Variants in RAB3D observed in about 807,000 individuals in gnomAD.
The protein encoded by RAB3D is ras-related protein Rab-3D.
A neutral mutation model predicts 19.3 loss-of-function variants in RAB3D; 17 were observed. That is an observed-to-expected ratio of 0.88 (90% CI 0.60 to 1.32). The LOEUF (loss-of-function observed/expected upper bound fraction) is 1.32. RAB3D is among the 40% of genes most tolerant of loss of function. The pLI, the probability that RAB3D is intolerant of heterozygous loss-of-function variation, is 0.00. For missense variants in RAB3D, 223 were observed against 299.1 expected (o/e 0.75, Z 1.88); for synonymous variants, 103 against 119.9 (o/e 0.86, Z 0.92).
chr19:11,337,355 T>A lies in RAB3D; in HGVS notation c.45A>T (p.Ala15=), dbSNP rs781305918. 5.6e-6 allele frequency: 9 copies of A among 1,614,172 alleles called. No individual in the cohort carries two copies. ...GDTQAGPRDA[A]DQNFDYMFKL... is the part of the protein sequence containing the mutation. ...TGAACATATAGTCGAAGTTCTGATC[T>A]GCTGCATCCCGTGGGCCTGCCTGGG... is the stretch of plus-strand genomic sequence containing the variant. Residue 15 remains alanine (A), a synonymous_variant, in exon 2 of 5, where the codon GCA becomes GCT. Coordinates refer to ENST00000222120, the MANE Select transcript of RAB3D (RefSeq NM_004283.4).
chr19:11,336,385 T>C (rs1227870041), intron 2 of RAB3D, among the ~76,000 whole-genome samples: 1 of 152,114 alleles, frequency 6.6e-6, no homozygotes, highest in African/African-American at 2.4e-5. Context: ...CATAGCTCAC[T>C]GCAGCCTCGA....
chr19:11,325,648 A>G, intron 4 of RAB3D, 63 bp from the exon 5 acceptor site: 1 of 1,488,516 alleles, frequency 6.7e-7, no homozygotes, highest in African/African-American at 1.4e-5. Context: ...CAGCTGTGGC[A>G]TCACAGAAAC....
intron 1 of RAB3D, among the ~76,000 whole-genome samples, chr19:11,337,904 C>G (rs562175903): frequency 1.3e-5 from 2 of 152,242 alleles, no homozygotes; most frequent in African/African-American, 4.8e-5. Flanking sequence ...AACTCCTCTG[C>G]TCAAGCAATC....
At position 11,323,138 on chromosome 19, in the gene RAB3D, G is replaced by A. The variant is rs998092749; in HGVS notation, c.*2260C>T. ...AAAAAAAAAAAACAAAAAAACCTCA[G>A]CAGGCCATACTGCATCTTGAGAAGT... On this transcript the variant is annotated 3_prime_UTR_variant, in exon 5 of 5. Transcript: ENST00000222120. The A allele has an allele frequency of 3.3e-5, 5 of 151,358 alleles. No homozygotes were observed. The highest frequency in any genetic ancestry group is 1.2e-4 in the African/African-American group (5 of 41,180). 9.4% of individuals were successfully genotyped at this position (151,358 alleles called of 1,614,324 possible).
At chr19:11,338,449 G>C (rs1966918644) in intron 1 of RAB3D, among the ~76,000 whole-genome samples, 1 of 152,202 alleles carries the variant, frequency 6.6e-6, no homozygotes, top group Non-Finnish European at 1.5e-5. Flanking sequence ...TAAGGCTTGG[G>C]TGTTGACTTT....
chr19:11,322,208 T>C lies in RAB3D; in HGVS notation c.*3190A>G, dbSNP rs2147962869. 1 of 152,212 alleles carries C rather than the reference T, an allele frequency of 6.6e-6. No individual in the cohort carries two copies. The highest frequency in any genetic ancestry group is 1.5e-5 in the Non-Finnish European group (1 of 68,012). The allele number at this position is 152,212 out of a possible 1,614,324, so 9.4% of individuals were successfully genotyped here. ...GCTCGTTCAGTAGTGTATTTCAGAATCATCAGGGAGGAGCCGGTAGCAGAA... is the reference window on the plus strand; with the variant it reads ...GCTCGTTCAGTAGTGTATTTCAGAACCATCAGGGAGGAGCCGGTAGCAGAA... On this transcript the variant is annotated 3_prime_UTR_variant, in exon 5 of 5. Coordinates refer to ENST00000222120, the MANE Select transcript of RAB3D (RefSeq NM_004283.4).
At chr19:11,338,699 C>T (rs754379722) in intron 1 of RAB3D, among the ~76,000 whole-genome samples, 8 of 152,202 alleles carry the variant, frequency 5.3e-5, no homozygotes, top group Non-Finnish European at 7.3e-5. Context: ...AGTCCTTATA[C>T]CCAAGGAAAC....
At chr19:11,330,799 C>G (rs1455706757) in intron 4 of RAB3D, among the ~76,000 whole-genome samples, 1 of 152,004 alleles carries the variant, frequency 6.6e-6, no homozygotes, top group East Asian at 1.9e-4. Flanking sequence ...ATCCACCCGC[C>G]TCGGCCTCCC....
At chr19:11,332,564 C>CA (rs1568300812) in intron 4 of RAB3D, among the ~76,000 whole-genome samples, 1 of 152,120 alleles carries the variant, frequency 6.6e-6, no homozygotes, top group Admixed American at 6.6e-5. Flanking sequence ...AGGCTGGTCT[C>CA]AAAGTCCTGG....
At chr19:11,330,290 A>G (rs1325849658) in intron 4 of RAB3D, among the ~76,000 whole-genome samples, 2 of 152,196 alleles carry the variant, frequency 1.3e-5, no homozygotes, top group African/African-American at 4.8e-5. Flanking sequence ...TCTGGGTCAT[A>G]TGGTCTCTGT....
At chr19:11,328,447 C>T (rs1342402608) in intron 4 of RAB3D, among the ~76,000 whole-genome samples, 1 of 150,756 alleles carries the variant, frequency 6.6e-6, no homozygotes, top group South Asian at 2.1e-4. Context: ...GTCAGGAGTT[C>T]GAGACCAGGG....
At chr19:11,339,014 C>T (rs2147971953) in intron 1 of RAB3D, among the ~76,000 whole-genome samples, 1 of 152,304 alleles carries the variant, frequency 6.6e-6, no homozygotes, top group Non-Finnish European at 1.5e-5. Flanking sequence ...GGCTTTTTTC[C>T]ATTTTAAACC....
intron 4 of RAB3D, among the ~76,000 whole-genome samples, chr19:11,330,822 T>C (rs537328841): frequency 1.3e-5 from 2 of 152,064 alleles, no homozygotes; most frequent in South Asian, 4.1e-4. Flanking sequence ...AGTGCTGGGA[T>C]TACAGGCATG....
Position 11,337,152 on chromosome 19 carries a change from C to T in RAB3D, c.228+20G>A. 6.2e-7 allele frequency: 1 copy of T among 1,606,570 alleles called. No homozygotes were observed. ...CTGGAGGGACCCCACCCCCAACCCA[C>T]AGCCAGCCTCCCAGCCTACCCAGAT... is the stretch of plus-strand genomic sequence containing the variant. On this transcript the variant is annotated intron_variant, in intron 2 of 4. Transcript: ENST00000222120.
At chr19:11,327,734 G>A (rs1037165643) in intron 4 of RAB3D, among the ~76,000 whole-genome samples, 3 of 152,050 alleles carry the variant, frequency 2.0e-5, no homozygotes, top group Non-Finnish European at 4.4e-5. Flanking sequence ...GGTGGTATGC[G>A]CCTGTAATCC....
intron 4 of RAB3D, among the ~76,000 whole-genome samples, chr19:11,331,857 A>T (rs1287201304): frequency 6.6e-6 from 1 of 152,054 alleles, no homozygotes; most frequent in East Asian, 1.9e-4. Context: ...GGAGTTGCAT[A>T]GTGAAGTGTT....
Position 11,337,366 on chromosome 19 carries a change from G to A in RAB3D, c.34C>T (p.Arg12Trp), listed in dbSNP as rs141682831. ...TCGAAGTTCTGATCTGCTGCATCCC[G>A]TGGGCCTGCCTGGGTGTCTCCAGCT... is the stretch of plus-strand genomic sequence containing the variant. ...ASAGDTQAGPRDAADQNFDYM... is the reference protein window; with the variant it reads ...ASAGDTQAGPWDAADQNFDYM... The change falls in exon 2 of 5, where the codon CGG becomes TGG. Residue 12 changes from arginine to tryptophan, a missense_variant. By Grantham distance (101) the Arg-to-Trp change is moderately radical. Transcript: ENST00000222120. 105 of 1,614,120 alleles carry A rather than the reference G, an allele frequency of 6.5e-5. No homozygotes were observed. The African/African-American group carries it at 1.3e-3, about 20-fold the overall frequency.
intron 2 of RAB3D, among the ~76,000 whole-genome samples, chr19:11,336,182 G>A (rs1307627623): frequency 6.6e-6 from 1 of 152,214 alleles, no homozygotes; most frequent in African/African-American, 2.4e-5. Flanking sequence ...CAGCGGCTAA[G>A]TTGGGAGAGG....
chr19:11,325,451 CT>C lies in RAB3D; in HGVS notation c.606del (p.Gly203AlafsTer39). 1 of 1,610,556 alleles carries C rather than the reference CT, an allele frequency of 6.2e-7. No homozygotes were observed. Reference protein sequence around the residue: ...EPSSSSGSNGKGPAVGDAPAP... With the variant: ...EPSSSSGSNGXGPAVGDAPAP... Reference sequence around the variant, plus strand: ...GCTGGAGCATCCCCCACGGCCGGGCCTTTCCCGTTGCTGCCTGAGCTGGAGC... The same window carrying C: ...GCTGGAGCATCCCCCACGGCCGGGCCTTCCCGTTGCTGCCTGAGCTGGAGC... On this transcript the variant is annotated frameshift_variant, in exon 5 of 5. Transcript: ENST00000222120. LOFTEE classifies it high-confidence loss of function.
Sources: allele counts gnomAD v4.1 joint callset (sites outside exome capture counted in the v4.1 genomes callset), GRCh38; gene constraint gnomAD v4.1.1; transcripts MANE v1.5; gene names NCBI Gene and HGNC (gene_info 2026-07-23, HGNC 2026-07-21).